KCNK2: variants seen among roughly 807,000 people sequenced by gnomAD.
The protein encoded by KCNK2 is potassium channel subfamily K member 2.
Under a neutral mutation model 40.5 loss-of-function variants are expected in KCNK2, and 21 were observed. That is an observed-to-expected ratio of 0.52 (90% CI 0.37 to 0.75). KCNK2 has a LOEUF of 0.75. Among genes scored for constraint, KCNK2 ranks in the 30% least tolerant of loss-of-function variants. The probability of loss-of-function intolerance (pLI) is 0.00; values close to 1 mark genes in which losing one functional copy is unlikely to be tolerated. For synonymous variants in KCNK2, 191 were observed against 202.2 expected (o/e 0.94, Z 0.47); for missense variants, 399 against 531.6 (o/e 0.75, Z 2.45).
intron 3 of KCNK2, among the ~76,000 whole-genome samples, chr1:215,143,991 C>T (rs57608332): frequency 6.6e-6 from 1 of 152,088 alleles, no homozygotes; most frequent in Non-Finnish European, 1.5e-5. Flanking sequence ...GACTATATCT[C>T]TGATGTGTCT....
intron 6 of KCNK2, among the ~76,000 whole-genome samples, chr1:215,210,179 ATG>A (rs1458242558): frequency 1.3e-5 from 2 of 148,702 alleles, no homozygotes; most frequent in Non-Finnish European, 3.0e-5. Flanking sequence ...ATGTACATAT[ATG>A]TGTGTGTACA....
intron 1 of KCNK2, among the ~76,000 whole-genome samples, chr1:215,042,557 GAATT>G (rs906206637): frequency 5.9e-5 from 9 of 152,316 alleles, no homozygotes; most frequent in African/African-American, 1.9e-4. Context: ...AGGAAGCACT[GAATT>G]AATTTGACTA....
intron 3 of KCNK2, among the ~76,000 whole-genome samples, chr1:215,137,539 G>C (rs1661985652): frequency 6.6e-6 from 1 of 152,154 alleles, no homozygotes; most frequent in Non-Finnish European, 1.5e-5. Flanking sequence ...CTAAAGGAAA[G>C]AATGTAAGGT....
At chr1:215,077,616 G>T (rs971767935) in intron 1 of KCNK2, among the ~76,000 whole-genome samples, 2 of 151,910 alleles carry the variant, frequency 1.3e-5, no homozygotes, top group Non-Finnish European at 2.9e-5. Context: ...TTAAAATCCA[G>T]ATGCCACCTG....
intron 1 of KCNK2, among the ~76,000 whole-genome samples, chr1:215,054,833 T>C (rs926313148): frequency 2.6e-5 from 4 of 152,210 alleles, no homozygotes; most frequent in African/African-American, 9.7e-5. Context: ...GTACTTTAAA[T>C]TGTTTTTCAT....
intron 6 of KCNK2, among the ~76,000 whole-genome samples, chr1:215,227,892 G>C (rs1666456610): frequency 1.3e-5 from 2 of 151,874 alleles, no homozygotes; most frequent in African/African-American, 4.8e-5. Context: ...GTAAGAGGAG[G>C]AGCAAGGGAT....
intron 6 of KCNK2, among the ~76,000 whole-genome samples, chr1:215,220,453 C>T (rs997913385): frequency 3.9e-5 from 6 of 152,160 alleles, no homozygotes; most frequent in African/African-American, 1.4e-4. Flanking sequence ...CGTCACCCAT[C>T]TCAGACTCTG....
chr1:215,073,277 AC>A (rs1440883250), intron 1 of KCNK2, among the ~76,000 whole-genome samples: 2 of 152,146 alleles, frequency 1.3e-5, no homozygotes, highest in Non-Finnish European at 2.9e-5. Flanking sequence ...TGTTTCTGTT[AC>A]TTCAGCTACA....
chr1:215,170,238 G>C (rs1178273706), intron 4 of KCNK2, among the ~76,000 whole-genome samples: 1 of 152,104 alleles, frequency 6.6e-6, no homozygotes, highest in East Asian at 1.9e-4. Flanking sequence ...TAATGCCATT[G>C]ATAGGAATGT....
At chr1:215,112,955 G>A (rs73088299) in intron 2 of KCNK2, among the ~76,000 whole-genome samples, 5,855 of 152,220 alleles carry the variant, frequency 0.038, 369 homozygotes, top group African/African-American at 0.13. Flanking sequence ...AGAATACAGT[G>A]TAGTCACGTG....
At chr1:215,163,828 T>A (rs113559193) in intron 3 of KCNK2, among the ~76,000 whole-genome samples, 19,048 of 152,128 alleles carry the variant, frequency 0.13, 2,483 homozygotes, top group African/African-American at 0.33. Flanking sequence ...TGTCAGTATT[T>A]TATTGAGGAT....
chr1:215,032,928 A>G (rs1558063138), intron 1 of KCNK2, among the ~76,000 whole-genome samples: 1 of 151,760 alleles, frequency 6.6e-6, no homozygotes, highest in African/African-American at 2.4e-5. Context: ...CTCTGTCATT[A>G]TTGTTTCATA....
intron 1 of KCNK2, among the ~76,000 whole-genome samples, chr1:215,051,274 G>A (rs1657977613): frequency 6.6e-6 from 1 of 152,056 alleles, no homozygotes; most frequent in African/African-American, 2.4e-5. Context: ...GAAGATGGAA[G>A]GAACAAAGTG....
At chr1:215,144,154 T>A (rs183514307) in intron 3 of KCNK2, among the ~76,000 whole-genome samples, 2 of 152,204 alleles carry the variant, frequency 1.3e-5, no homozygotes, top group South Asian at 4.1e-4. Flanking sequence ...TATGCCCTTT[T>A]TTCTAATGTG....
intron 6 of KCNK2, among the ~76,000 whole-genome samples, chr1:215,234,172 C>T (rs1398567859): frequency 6.6e-6 from 1 of 152,088 alleles, no homozygotes; most frequent in Non-Finnish European, 1.5e-5. Flanking sequence ...AAGTGGGCTT[C>T]AAGGTGGACT....
chr1:215,156,902 T>G (rs1486726618), intron 3 of KCNK2, among the ~76,000 whole-genome samples: 2 of 152,056 alleles, frequency 1.3e-5, no homozygotes, highest in African/African-American at 4.8e-5. Context: ...AAATACAAAA[T>G]TAGCTGGGTG....
Position 215,236,090 on chromosome 1 carries a change from A to ATCTATCTATCTATCTATCTG in KCNK2, c.*953_*954insTCTATCTATCTGTCTATCTA, listed in dbSNP as rs1553277301. ...TATCTATCTATCTATCTATCTATCTATCTATCTAAATGACCTGACAGAAGA... is the reference window on the plus strand; with the variant it reads ...TATCTATCTATCTATCTATCTATCTATCTATCTATCTATCTATCTGTCTATCTAAATGACCTGACAGAAGA... On this transcript the variant is annotated 3_prime_UTR_variant, in exon 7 of 7. Transcript: ENST00000444842. 1 of 151,762 alleles carries ATCTATCTATCTATCTATCTG rather than the reference A, an allele frequency of 6.6e-6. No individual in the cohort carries two copies. Among genetic ancestry groups the ATCTATCTATCTATCTATCTG allele is most frequent in the African/African-American group, 2.5e-5 (1 of 40,760 alleles). The allele number at this position is 151,762 out of a possible 1,614,324, so 9.4% of individuals were successfully genotyped here. A position where few individuals can be genotyped will look rare whatever the true frequency, so the allele number is the denominator to read the frequency against.
At chr1:215,111,129 C>T (rs1215256807) in intron 2 of KCNK2, among the ~76,000 whole-genome samples, 1 of 152,100 alleles carries the variant, frequency 6.6e-6, no homozygotes, top group African/African-American at 2.4e-5. Flanking sequence ...TAGTAGTATG[C>T]ACTTAACGTT....
chr1:215,043,019 C>A (rs548326812), intron 1 of KCNK2, among the ~76,000 whole-genome samples: 10 of 152,268 alleles, frequency 6.6e-5, no homozygotes, highest in South Asian at 4.2e-4. Flanking sequence ...GTATTCCCTA[C>A]TCTCCAGGTG....
Sources: gnomAD v4.1 joint callset for allele counts (sites outside exome capture counted in the v4.1 genomes callset) on GRCh38, gnomAD v4.1.1 for gene constraint, MANE v1.5 for transcripts, NCBI Gene and HGNC (gene_info 2026-07-23, HGNC 2026-07-21) for gene names.